The following ARHGAP18 variants were observed in gnomAD, a reference collection of about 807,000 sequenced individuals.
ARHGAP18 encodes the protein rho GTPase-activating protein 18.
Under a neutral mutation model 86.2 loss-of-function variants are expected in ARHGAP18, and 67 were observed. The observed-to-expected ratio is 0.78, with a 90% confidence interval of 0.64 to 0.95. ARHGAP18 has a LOEUF of 0.95. Ranked by LOEUF, ARHGAP18 falls within the 40% of genes least tolerant of loss-of-function variation. ARHGAP18 has a pLI of 0.00. For synonymous variants in ARHGAP18, 283 were observed against 280.4 expected, an observed-to-expected ratio of 1.01 and a Z score of -0.09; for missense variants, 691 against 780.4, an observed-to-expected ratio of 0.89 and a Z score of 1.37.
At chr6:129,617,911 G>C (rs2114469352) in intron 6 of ARHGAP18, among the ~76,000 whole-genome samples, 1 of 152,124 alleles carries the variant, frequency 6.6e-6, no homozygotes, top group South Asian at 2.1e-4. Context: ...CCTCATTCTT[G>C]GTTTCTCTTT....
At chr6:129,660,057 G>A (rs1457919679) in intron 1 of ARHGAP18, among the ~76,000 whole-genome samples, 2 of 152,186 alleles carry the variant, frequency 1.3e-5, no homozygotes, top group Non-Finnish European at 2.9e-5. Context: ...CAACCCCCTG[G>A]GGGAGGGAGA....
At chr6:129,608,104 A>C (rs1788896887) in intron 8 of ARHGAP18, 52 bp from the exon 9 acceptor site, 1 of 1,490,592 alleles carries the variant, frequency 6.7e-7, no homozygotes, top group Non-Finnish European at 8.9e-7. Context: ...CTAGAAGTGC[A>C]TTTTTTTTCT....
chr6:129,690,725 A>G (rs190125890), intron 1 of ARHGAP18, among the ~76,000 whole-genome samples: 2 of 152,348 alleles, frequency 1.3e-5, no homozygotes, highest in East Asian at 3.9e-4. Context: ...AACATTTCAT[A>G]CTATAATTTC....
intron 1 of ARHGAP18, among the ~76,000 whole-genome samples, chr6:129,699,703 A>G (rs780178177): frequency 8.5e-5 from 13 of 152,198 alleles, no homozygotes; most frequent in Non-Finnish European, 8.8e-5. Context: ...TTCTAATTGC[A>G]TACAGCTCTA....
At chr6:129,634,828 A>G (rs974851392) in intron 3 of ARHGAP18, among the ~76,000 whole-genome samples, 2 of 152,332 alleles carry the variant, frequency 1.3e-5, no homozygotes, top group African/African-American at 4.8e-5. Flanking sequence ...TTATATCTCA[A>G]TCATGCTGTT....
At chr6:129,667,467 A>ATG (rs1219093894) in intron 1 of ARHGAP18, among the ~76,000 whole-genome samples, 10 of 95,794 alleles carry the variant, frequency 1.0e-4, no homozygotes, top group East Asian at 8.4e-4. Flanking sequence ...AGAAAAATAT[A>ATG]TATGTGTGTG....
At chr6:129,606,575 C>A (rs1562686915) in intron 9 of ARHGAP18, among the ~76,000 whole-genome samples, 2 of 152,168 alleles carry the variant, frequency 1.3e-5, no homozygotes, top group Admixed American at 6.5e-5. Flanking sequence ...TCCAGCATTT[C>A]TTTTTCAGCA....
At chr6:129,696,037 A>G (rs923389762) in intron 1 of ARHGAP18, among the ~76,000 whole-genome samples, 2 of 152,248 alleles carry the variant, frequency 1.3e-5, no homozygotes, top group African/African-American at 2.4e-5. Flanking sequence ...TGAAGTCTCA[A>G]TGATAACAGT....
intron 4 of ARHGAP18, among the ~76,000 whole-genome samples, chr6:129,631,171 T>C (rs1408940154): frequency 1.3e-5 from 2 of 152,116 alleles, no homozygotes; most frequent in East Asian, 3.8e-4. Context: ...AGGAAAAAAA[T>C]GATTAGCCAT....
chr6:129,629,217 T>G, intron 5 of ARHGAP18, 136 bp downstream of exon 5: 2 of 805,762 alleles, frequency 2.5e-6, no homozygotes, highest in Non-Finnish European at 3.4e-6. Context: ...GGCCTCATCT[T>G]TCTCTCTGTC....
chr6:129,645,565 C>G (rs1039801414), intron 1 of ARHGAP18, among the ~76,000 whole-genome samples: 1 of 152,162 alleles, frequency 6.6e-6, no homozygotes, highest in African/African-American at 2.4e-5. Flanking sequence ...CCTCCCTCTC[C>G]CTCCAGAATT....
chr6:129,642,523 G>A (rs919332593), intron 1 of ARHGAP18, among the ~76,000 whole-genome samples: 1 of 151,378 alleles, frequency 6.6e-6, no homozygotes, highest in African/African-American at 2.4e-5. Flanking sequence ...GGCCTCAAAT[G>A]ATCCTCAACT....
chr6:129,604,373 C>T lies in ARHGAP18; in HGVS notation c.1365+1504G>A, dbSNP rs138369455. ...CCAGCTCAGCCACACCCAAAGCAGC[C>T]ATATTGAATTGAATGCTTCCTCCTA... On this transcript the variant is annotated intron_variant, in intron 10 of 14. Coordinates refer to ENST00000368149, the MANE Select transcript of ARHGAP18 (RefSeq NM_033515.3). Among the ~76,000 whole-genome samples, 6 of 152,246 alleles carry T rather than the reference C, an allele frequency of 3.9e-5. No homozygotes were observed. The East Asian group carries it at 9.6e-4, about 24-fold the overall frequency.
intron 1 of ARHGAP18, among the ~76,000 whole-genome samples, chr6:129,695,584 G>T (rs982065019): frequency 6.6e-6 from 1 of 152,086 alleles, no homozygotes; most frequent in East Asian, 1.9e-4. Context: ...CCTGCAAAAT[G>T]GAGATGACAC....
chr6:129,634,130 A>G (rs1184494805), intron 3 of ARHGAP18, 25 bp from the exon 4 acceptor site: 17 of 1,607,770 alleles, frequency 1.1e-5, no homozygotes, highest in Non-Finnish European at 1.4e-5. Context: ...CAGGCCATTT[A>G]GTCATCTCCA....
At chr6:129,627,170 G>A (rs1789494342) in intron 5 of ARHGAP18, among the ~76,000 whole-genome samples, 2 of 152,086 alleles carry the variant, frequency 1.3e-5, no homozygotes, top group South Asian at 4.1e-4. Context: ...ATTTTACAAA[G>A]CAAATTAAAA....
intron 3 of ARHGAP18, 124 bp from the exon 4 acceptor site, chr6:129,634,229 G>A: frequency 2.8e-6 from 2 of 705,592 alleles, no homozygotes; most frequent in Middle Eastern, 2.6e-4. Flanking sequence ...AACAATCACA[G>A]TGAAAAAGGG....
Position 129,625,042 on chromosome 6 carries a change from TAATA to T in ARHGAP18, c.786+4307_786+4310del, listed in dbSNP as rs1306078950. On this transcript the variant is annotated intron_variant, in intron 5 of 14. Coordinates refer to ENST00000368149, the MANE Select transcript of ARHGAP18 (RefSeq NM_033515.3). ...ATATGATATATGATATATATTTATA[TAATA>T]TATATGATTGATATATATTTATATA... 4.6e-5 allele frequency among the ~76,000 whole-genome samples: 4 copies of T among 86,782 alleles called. 1 individual carries two copies. The highest frequency in any genetic ancestry group is 8.7e-5 in the Non-Finnish European group (4 of 45,942). 56.9% of individuals were successfully genotyped at this position (86,782 alleles called of 152,430 possible). A position where few individuals can be genotyped will look rare whatever the true frequency, so the allele number is the denominator to read the frequency against.
Position 129,608,065 on chromosome 6 carries a change from A to C in ARHGAP18, c.1123-13T>G. On this transcript the variant is annotated splice_polypyrimidine_tract_variant and intron_variant, in intron 8 of 14. Transcript: ENST00000368149. ...CTTGGCAAAGATTCTGATAGGCACG[A>C]AAAAAAAAAAAAAAAAAAAAAGAAG... The C allele has an allele frequency of 3.9e-5, 5 of 128,634 alleles. No individual in the cohort carries two copies. Among genetic ancestry groups the C allele is most frequent in the East Asian group, 3.8e-4 (1 of 2,620 alleles). 8.0% of individuals were successfully genotyped at this position (128,634 alleles called of 1,614,324 possible). A position where few individuals can be genotyped will look rare whatever the true frequency, so the allele number is the denominator to read the frequency against.
Sources: allele counts gnomAD v4.1 joint callset (sites outside exome capture counted in the v4.1 genomes callset), GRCh38; gene constraint gnomAD v4.1.1; transcripts MANE v1.5; gene names NCBI Gene and HGNC (gene_info 2026-07-23, HGNC 2026-07-21).